MDGA2: variants seen among roughly 807,000 people sequenced by gnomAD.
MDGA2 encodes the protein MAM domain containing glycosylphosphatidylinositol anchor 2.
MDGA2 carries 40 observed loss-of-function variants against 117.8 expected under a neutral mutation model. That is an observed-to-expected ratio of 0.34 (90% CI 0.26 to 0.44). The LOEUF (loss-of-function observed/expected upper bound fraction) is 0.44. Ranked by LOEUF, MDGA2 falls within the 20% of genes least tolerant of loss-of-function variation. MDGA2 has a pLI of 1.00. For synonymous variants in MDGA2, 452 were observed against 439.0 expected, an observed-to-expected ratio of 1.03 and a Z score of -0.37; for missense variants, 1,123 against 1,250.6, an observed-to-expected ratio of 0.90 and a Z score of 1.54.
chr14:47,204,698 C>T (rs1885620052), intron 3 of MDGA2, among the ~76,000 whole-genome samples: 1 of 151,968 alleles, frequency 6.6e-6, no homozygotes, highest in South Asian at 2.1e-4. Context: ...ACAGTTCAGA[C>T]TCATAGTGAA....
At chr14:47,030,718 C>A (rs931883745) in intron 8 of MDGA2, among the ~76,000 whole-genome samples, 4 of 151,902 alleles carry the variant, frequency 2.6e-5, no homozygotes, top group African/African-American at 9.7e-5. Flanking sequence ...ATAAATTAAA[C>A]AATGGACAAA....
At chr14:47,155,852 AT>A (rs564291873) in intron 3 of MDGA2, among the ~76,000 whole-genome samples, 1 of 118,736 alleles carries the variant, frequency 8.4e-6, no homozygotes, top group Non-Finnish European at 1.8e-5. Context: ...TTTTATATGA[AT>A]TTTTTTACAA....
At chr14:47,606,346 C>T (rs1236659627) in intron 1 of MDGA2, among the ~76,000 whole-genome samples, 1 of 152,182 alleles carries the variant, frequency 6.6e-6, no homozygotes, top group African/African-American at 2.4e-5. Context: ...TTTCTGTCAA[C>T]ATCAGTACTC....
intron 10 of MDGA2, among the ~76,000 whole-genome samples, chr14:46,893,590 T>C (rs895923183): frequency 1.4e-4 from 21 of 152,154 alleles, no homozygotes; most frequent in African/African-American, 4.8e-4. Flanking sequence ...TAGTAATCAT[T>C]GTATTATGTA....
intron 1 of MDGA2, among the ~76,000 whole-genome samples, chr14:47,494,931 T>A (rs913046958): frequency 6.7e-6 from 1 of 149,870 alleles, no homozygotes; most frequent in Non-Finnish European, 1.5e-5. Flanking sequence ...TATATATATT[T>A]TACATATACA....
At chr14:47,576,650 T>C (rs1896120697) in intron 1 of MDGA2, among the ~76,000 whole-genome samples, 1 of 152,154 alleles carries the variant, frequency 6.6e-6, no homozygotes, top group South Asian at 2.1e-4. Context: ...GTATTGATAA[T>C]AACAAAAATA....
At position 47,520,989 on chromosome 14, in the gene MDGA2, T is replaced by C. The variant is rs531593147; in HGVS notation, c.280+153528A>G. Among the ~76,000 whole-genome samples the C allele has an allele frequency of 3.3e-5, 5 of 152,304 alleles. No individual in the cohort carries two copies. The East Asian group carries it at 7.7e-4, about 24-fold the overall frequency. On this transcript the variant is annotated intron_variant, in intron 1 of 16. Transcript: ENST00000399232. ...AATTTTATTTCTTTTCTAATGCTTA[T>C]TGAAGACATTGATATTTTGTCATTG...
chr14:47,097,101 C>G lies in MDGA2; in HGVS notation c.948G>C (p.Leu316Phe). 6.2e-7 allele frequency: 1 copy of G among 1,612,618 alleles called. No individual in the cohort carries two copies. Among genetic ancestry groups the G allele is most frequent in the Non-Finnish European group, 8.5e-7 (1 of 1,179,030 alleles). The change falls in exon 6 of 17, where the codon TTG (leucine) becomes TTC (phenylalanine). Residue 316 changes from leucine (L) to phenylalanine (F), a missense_variant. Physicochemically the swap from Leu to Phe is conservative, Grantham distance 22 (BLOSUM62 0). Coordinates refer to ENST00000399232, the MANE Select transcript of MDGA2 (RefSeq NM_001113498.3). Reference sequence around the variant, plus strand: ...GATTTACAACTATAGGATCATCCACCAAGAGTTTAATTGACGGTGATGCTA... The same window carrying G: ...GATTTACAACTATAGGATCATCCACGAAGAGTTTAATTGACGGTGATGCTA... ...NKTASPSIKL[L>F]VDDPIVVNPG...
At chr14:47,240,529 G>A (rs1241606927) in intron 2 of MDGA2, among the ~76,000 whole-genome samples, 1 of 151,818 alleles carries the variant, frequency 6.6e-6, no homozygotes, top group Non-Finnish European at 1.5e-5. Context: ...AACACCAAAT[G>A]TGCCTTTCTT....
chr14:47,196,990 C>A (rs1193057228), intron 3 of MDGA2, among the ~76,000 whole-genome samples: 1 of 152,132 alleles, frequency 6.6e-6, no homozygotes, highest in Non-Finnish European at 1.5e-5. Flanking sequence ...ATCCAAAGGA[C>A]ATGATTTCAT....
intron 1 of MDGA2, among the ~76,000 whole-genome samples, chr14:47,501,601 T>C (rs1375831840): frequency 6.6e-6 from 1 of 152,154 alleles, no homozygotes; most frequent in Non-Finnish European, 1.5e-5. Context: ...TTAAATGAGG[T>C]CAATTAACCT....
intron 3 of MDGA2, among the ~76,000 whole-genome samples, chr14:47,172,656 C>G (rs1168192227): frequency 6.6e-6 from 1 of 152,084 alleles, no homozygotes; most frequent in Non-Finnish European, 1.5e-5. Flanking sequence ...TGTACATCAC[C>G]ATCATCAAAC....
At chr14:47,326,839 T>C (rs1890159099) in intron 1 of MDGA2, among the ~76,000 whole-genome samples, 1 of 152,176 alleles carries the variant, frequency 6.6e-6, no homozygotes, top group South Asian at 2.1e-4. Context: ...AATGTATTGT[T>C]CCTTCCTCTC....
At chr14:47,289,338 C>CACACAT (rs3039469) in intron 2 of MDGA2, among the ~76,000 whole-genome samples, 2 of 148,318 alleles carry the variant, frequency 1.3e-5, no homozygotes, top group East Asian at 3.9e-4. Context: ...CACACACACA[C>CACACAT]GCACACACTC....
intron 1 of MDGA2, among the ~76,000 whole-genome samples, chr14:47,344,927 ATTAT>A (rs1890732541): frequency 6.6e-6 from 1 of 151,964 alleles, no homozygotes; most frequent in Non-Finnish European, 1.5e-5. Context: ...ATTGGTAATC[ATTAT>A]TTAATAACAA....
rs150853714 is a variant in MDGA2 at position 47,325,176 on chromosome 14, G to A, written c.281-23626C>T. On this transcript the variant is annotated intron_variant, in intron 1 of 16. Coordinates refer to ENST00000399232, the MANE Select transcript of MDGA2 (RefSeq NM_001113498.3). ...TGGTATATTCTGATTGTTTTGGTTG[G>A]GTATTCAGTATCTGACTGATCTCTC... 1.2e-3 allele frequency among the ~76,000 whole-genome samples: 181 copies of A among 152,196 alleles called. 1 individual carries two copies. Among genetic ancestry groups the A allele is most frequent in the African/African-American group, 4.2e-3 (175 of 41,556 alleles).
intron 1 of MDGA2, among the ~76,000 whole-genome samples, chr14:47,531,557 T>A (rs182390166): frequency 6.6e-6 from 1 of 152,316 alleles, no homozygotes; most frequent in Non-Finnish European, 1.5e-5. Context: ...AAACCTTGGA[T>A]AATAATAACA....
At chr14:47,613,515 A>C (rs1168633418) in intron 1 of MDGA2, among the ~76,000 whole-genome samples, 1 of 151,700 alleles carries the variant, frequency 6.6e-6, no homozygotes, top group Non-Finnish European at 1.5e-5. Context: ...ACGCACACGC[A>C]CACCCACCAA....
chr14:47,585,538 A>C (rs78461710), intron 1 of MDGA2, among the ~76,000 whole-genome samples: 3,975 of 151,970 alleles, frequency 0.026, 63 homozygotes, highest in Non-Finnish European at 0.039. Context: ...GCGTACGGTA[A>C]TGCGCAGGAA....
Sources: gnomAD v4.1 joint callset for allele counts (sites outside exome capture counted in the v4.1 genomes callset) on GRCh38, gnomAD v4.1.1 for gene constraint, MANE v1.5 for transcripts, NCBI Gene and HGNC (gene_info 2026-07-23, HGNC 2026-07-21) for gene names.